WWOX: variants seen among roughly 807,000 people sequenced by gnomAD.
WWOX encodes WW domain-containing oxidoreductase.
A neutral mutation model predicts 46.2 loss-of-function variants in WWOX; 69 were observed. The observed-to-expected ratio is 1.49, with a 90% confidence interval of 1.23 to 1.82. WWOX has a LOEUF of 1.82. Among genes scored for constraint, WWOX ranks in the 40% most tolerant of loss-of-function variants. WWOX has a pLI of 0.00. For missense variants in WWOX, 919 were observed against 542.6 expected, an observed-to-expected ratio of 1.69 and a Z score of -6.89; for synonymous variants, 359 against 202.6, an observed-to-expected ratio of 1.77 and a Z score of -6.56.
chr16:78,774,496 T>G (rs866670998), intron 8 of WWOX, among the ~76,000 whole-genome samples: 9 of 149,524 alleles, frequency 6.0e-5, no homozygotes, highest in South Asian at 2.2e-4. Flanking sequence ...CAGACCCATT[T>G]TGTGTGTGTG....
chr16:78,639,130 T>C (rs930492173), intron 8 of WWOX, among the ~76,000 whole-genome samples: 3 of 152,220 alleles, frequency 2.0e-5, no homozygotes, highest in Admixed American at 6.5e-5. Context: ...ATTGTTCTTT[T>C]TGGGCAAGGT....
At chr16:78,281,957 A>G (rs9924424) in intron 5 of WWOX, among the ~76,000 whole-genome samples, 68,883 of 151,936 alleles carry the variant, frequency 0.45, 16,506 homozygotes, top group African/African-American at 0.61. Flanking sequence ...TGGGGCTGCC[A>G]CTGGCAGACG....
intron 8 of WWOX, chr16:79,101,313 A>G (rs1169966073): frequency 2.6e-5 from 4 of 151,974 alleles, no homozygotes; most frequent in Non-Finnish European, 5.9e-5. Flanking sequence ...TAATCCAACA[A>G]CTCTGCTGGT....
chr16:78,360,629 C>T (rs1312548733), intron 5 of WWOX, among the ~76,000 whole-genome samples: 2 of 44,530 alleles, frequency 4.5e-5, no homozygotes, highest in African/African-American at 1.2e-4. Flanking sequence ...TTCACAGTAC[C>T]TCTACTTTCT....
chr16:79,197,872 G>T (rs188731745), intron 8 of WWOX, among the ~76,000 whole-genome samples: 2 of 152,212 alleles, frequency 1.3e-5, no homozygotes, highest in East Asian at 3.9e-4. Flanking sequence ...CTGATATAAG[G>T]CTCTCACTTT....
chr16:78,573,445 C>G (rs1366420759), intron 8 of WWOX, among the ~76,000 whole-genome samples: 3 of 152,004 alleles, frequency 2.0e-5, no homozygotes, highest in African/African-American at 4.8e-5. Flanking sequence ...GGTATTACAC[C>G]CTGTGATTTG....
intron 8 of WWOX, among the ~76,000 whole-genome samples, chr16:78,619,826 T>G (rs2046133497): frequency 6.6e-6 from 1 of 152,038 alleles, no homozygotes; most frequent in Non-Finnish European, 1.5e-5. Context: ...GGAGAATCAC[T>G]TGAGCAAAGG....
chr16:78,830,343 A>G (rs1400265232), intron 8 of WWOX, among the ~76,000 whole-genome samples: 6 of 152,168 alleles, frequency 3.9e-5, no homozygotes, highest in Admixed American at 2.6e-4. Context: ...ATATGTACAT[A>G]TTATCATAAT....
chr16:78,520,304 T>C (rs558464539), intron 8 of WWOX, among the ~76,000 whole-genome samples: 4 of 152,188 alleles, frequency 2.6e-5, no homozygotes, highest in Non-Finnish European at 5.9e-5. Context: ...ATTTTTTAGA[T>C]GTAAAAGTGG....
intron 8 of WWOX, among the ~76,000 whole-genome samples, chr16:78,747,509 G>A (rs1472534311): frequency 1.3e-5 from 2 of 152,110 alleles, no homozygotes; most frequent in African/African-American, 2.4e-5. Context: ...AACAACCCTA[G>A]GAGACAGGCA....
At chr16:78,638,410 A>G (rs1027452669) in intron 8 of WWOX, among the ~76,000 whole-genome samples, 5 of 151,122 alleles carry the variant, frequency 3.3e-5, no homozygotes, top group Admixed American at 6.6e-5. Flanking sequence ...TCCAACCGCT[A>G]CCACCTTCCA....
intron 8 of WWOX, among the ~76,000 whole-genome samples, chr16:78,734,832 A>C: frequency 9.8e-6 from 1 of 102,258 alleles, no homozygotes; most frequent in Non-Finnish European, 1.9e-5. Flanking sequence ...TCAGGTGGGG[A>C]CTTCAGTCCT....
Position 78,152,027 on chromosome 16 carries a change from A to G in WWOX, c.410-12156A>G, listed in dbSNP as rs1023441933. On this transcript the variant is annotated intron_variant, in intron 4 of 8. Transcript: ENST00000566780. ...AACACGGTGAAACCCCGTCTCTACTAAAAATACAAAAAATTAGCCGGGTGT... is the reference window on the plus strand; with the variant it reads ...AACACGGTGAAACCCCGTCTCTACTGAAAATACAAAAAATTAGCCGGGTGT... 1.5e-4 allele frequency among the ~76,000 whole-genome samples: 23 copies of G among 152,092 alleles called. 1 individual carries two copies. Among genetic ancestry groups the G allele is most frequent in the African/African-American group, 5.1e-4 (21 of 41,418 alleles).
rs141642460 is a variant in WWOX, at chr16:78,277,686, G to A, written c.517-109174G>A. 8.5e-3 allele frequency among the ~76,000 whole-genome samples: 1,295 copies of A among 152,262 alleles called. 11 individuals are homozygous for A. Among genetic ancestry groups the A allele is most frequent in the Middle Eastern group, 0.017 (5 of 294 alleles). On this transcript the variant is annotated intron_variant, in intron 5 of 8. Coordinates refer to ENST00000566780, the MANE Select transcript of WWOX (RefSeq NM_016373.4). ...CAGGGACAGCGTGTAGGGTTTGCAT[G>A]ATTTGTGGGGCCGTTTCATGTTTGC... is the stretch of plus-strand genomic sequence containing the variant.
chr16:79,192,001 G>A lies in WWOX; in HGVS notation c.1057-19607G>A, dbSNP rs118186773. ...TTAAAATACCGCAATCACTTGAAACGCCTTACATAAACTGACCAGGAATCT... is the reference window on the plus strand; with the variant it reads ...TTAAAATACCGCAATCACTTGAAACACCTTACATAAACTGACCAGGAATCT... On this transcript the variant is annotated intron_variant, in intron 8 of 8. Transcript: ENST00000566780. Among the ~76,000 whole-genome samples the A allele has an allele frequency of 4.5e-3, 690 of 152,290 alleles. 7 individuals carry two copies. Among genetic ancestry groups the A allele is most frequent in the Non-Finnish European group, 7.7e-3 (522 of 68,024 alleles).
At chr16:78,148,435 G>C (rs1475258978) in intron 4 of WWOX, among the ~76,000 whole-genome samples, 2 of 152,154 alleles carry the variant, frequency 1.3e-5, no homozygotes, top group East Asian at 1.9e-4. Flanking sequence ...GTATTAAGAA[G>C]AAAGGGAGCA....
At chr16:78,682,435 C>G (rs1349254504) in intron 8 of WWOX, among the ~76,000 whole-genome samples, 1 of 152,080 alleles carries the variant, frequency 6.6e-6, no homozygotes, top group Non-Finnish European at 1.5e-5. Context: ...TTTCCTTTAG[C>G]CGGGTCTGGT....
intron 8 of WWOX, among the ~76,000 whole-genome samples, chr16:78,555,110 C>G (rs1349797515): frequency 2.1e-5 from 3 of 144,144 alleles, no homozygotes; most frequent in Admixed American, 7.3e-5. Context: ...CTCTTTGTCT[C>G]TATCTCTCTT....
intron 6 of WWOX, among the ~76,000 whole-genome samples, chr16:78,412,420 G>T (rs1479254354): frequency 6.6e-6 from 1 of 152,212 alleles, no homozygotes; most frequent in Non-Finnish European, 1.5e-5. Flanking sequence ...ATAGTGGCTA[G>T]AGCTAAGGGT....
Sources: gnomAD v4.1 joint callset for allele counts (sites outside exome capture counted in the v4.1 genomes callset) on GRCh38, gnomAD v4.1.1 for gene constraint, MANE v1.5 for transcripts, NCBI Gene and HGNC (gene_info 2026-07-23, HGNC 2026-07-21) for gene names.